Variants in TRERF1 observed in about 807,000 individuals in gnomAD.
TRERF1 encodes transcriptional-regulating factor 1.
Under a neutral mutation model 122.9 loss-of-function variants are expected in TRERF1, and 27 were observed. The ratio of observed to expected loss-of-function variants is 0.22; its 90% CI spans 0.16 to 0.30. TRERF1 has a LOEUF of 0.30. Ranked by LOEUF, TRERF1 falls within the 10% of genes least tolerant of loss-of-function variation. The pLI is 1.00. For missense variants in TRERF1, 1,248 were observed against 1,560.3 expected (o/e 0.80, Z 3.37); for synonymous variants, 636 against 641.7 (o/e 0.99, Z 0.13).
intron 4 of TRERF1, among the ~76,000 whole-genome samples, chr6:42,274,915 C>T (rs914153227): frequency 1.7e-4 from 26 of 152,218 alleles, no homozygotes; most frequent in African/African-American, 6.0e-4. Context: ...GAAAAGCATG[C>T]AAATTGTAAA....
intron 5 of TRERF1, among the ~76,000 whole-genome samples, chr6:42,266,188 CTTTTTTTT>C (rs34950753): frequency 1.6e-5 from 2 of 128,140 alleles, no homozygotes; most frequent in African/African-American, 6.0e-5. Context: ...TGATGGAATT[CTTTTTTTT>C]TTTTTTTTTT....
At chr6:42,327,352 T>C (rs1158875181) in intron 3 of TRERF1, among the ~76,000 whole-genome samples, 1 of 152,064 alleles carries the variant, frequency 6.6e-6, no homozygotes, top group Non-Finnish European at 1.5e-5. Context: ...ATGGGTAAAA[T>C]AAAGCACAGG....
At chr6:42,237,988 A>T (rs1269115551) in intron 15 of TRERF1, among the ~76,000 whole-genome samples, 1 of 152,226 alleles carries the variant, frequency 6.6e-6, no homozygotes, top group Admixed American at 6.5e-5. Flanking sequence ...CTCAGTGAAC[A>T]CTGATGTAGG....
At chr6:42,265,916 C>T in intron 5 of TRERF1, 119 bp from the exon 6 acceptor site, 2 of 1,051,596 alleles carry the variant, frequency 1.9e-6, no homozygotes, top group Non-Finnish European at 2.9e-6. Flanking sequence ...CTGCTGTCTG[C>T]TTCGTGCTGA....
chr6:42,288,712 C>T (rs1783734993), intron 4 of TRERF1, among the ~76,000 whole-genome samples: 1 of 151,726 alleles, frequency 6.6e-6, no homozygotes, highest in Non-Finnish European at 1.5e-5. Flanking sequence ...AAATAGGGTG[C>T]AGAAAACTGT....
chr6:42,435,778 A>G (rs1562207577), intron 2 of TRERF1, among the ~76,000 whole-genome samples: 1 of 151,606 alleles, frequency 6.6e-6, no homozygotes, highest in Non-Finnish European at 1.5e-5. Context: ...GATCGAGATC[A>G]TCCTGGCCAA....
chr6:42,283,161 A>G (rs924731542), intron 4 of TRERF1, among the ~76,000 whole-genome samples: 1 of 152,184 alleles, frequency 6.6e-6, no homozygotes, highest in Non-Finnish European at 1.5e-5. Context: ...TGCCATACTA[A>G]ATACACCAAA....
rs374092720 is a variant in TRERF1, at chr6:42,265,845, G to A, written c.1438-48C>T. On this transcript the variant is annotated intron_variant, in intron 5 of 17. Transcript: ENST00000372922. Reference sequence around the variant, plus strand: ...ACCGAAAAAAAGAAGAGAAAAAAACGTGTTCTGAAGGGAGAAGTCCTCGAG... The same window carrying A: ...ACCGAAAAAAAGAAGAGAAAAAAACATGTTCTGAAGGGAGAAGTCCTCGAG... 1,889 of 1,593,936 alleles carry A rather than the reference G, an allele frequency of 1.2e-3. 1 individual carries two copies. The highest frequency in any genetic ancestry group is 1.4e-3 in the Non-Finnish European group (1,596 of 1,166,184).
At chr6:42,436,800 C>CAAAAAA (rs775861205) in intron 2 of TRERF1, among the ~76,000 whole-genome samples, 173 of 77,490 alleles carry the variant, frequency 2.2e-3, no homozygotes, top group African/African-American at 0.01. Flanking sequence ...TCTCCCTCTA[C>CAAAAAA]AAAAAAAAAA....
At chr6:42,251,478 G>A (rs1388716648) in intron 13 of TRERF1, among the ~76,000 whole-genome samples, 3 of 152,098 alleles carry the variant, frequency 2.0e-5, no homozygotes, top group Non-Finnish European at 2.9e-5. Flanking sequence ...TGGATAAAAG[G>A]GGGGAAGCCT....
chr6:42,363,045 C>G (rs551953215), exon 3 of TRERF1: 1 of 153,506 alleles, frequency 6.5e-6, no homozygotes, highest in Admixed American at 6.5e-5. Flanking sequence ...CCTGCTTCTG[C>G]GTCTTCTTCC....
chr6:42,352,130 G>A (rs1180250358), intron 3 of TRERF1, among the ~76,000 whole-genome samples: 2 of 152,086 alleles, frequency 1.3e-5, no homozygotes, highest in Non-Finnish European at 2.9e-5. Flanking sequence ...TCAGCCTCCT[G>A]GGTAGCTGGG....
In TRERF1 at chr6:42,306,318, T is replaced by C. The variant is rs574073915; in HGVS notation, c.-370-5569A>G. Among the ~76,000 whole-genome samples, 38 of 152,322 alleles carry C rather than the reference T, an allele frequency of 2.5e-4. 2 individuals carry two copies. In the South Asian group the frequency reaches 6.8e-3, roughly 27 times the overall value. ...CGCCCGGCCAATCTCCCCCTTCTTT[T>C]GATGCCCTTCCTCTCTCTCCATGGA... On this transcript the variant is annotated intron_variant, in intron 3 of 17. Coordinates refer to ENST00000372922, the Ensembl canonical transcript of TRERF1.
chr6:42,452,097 A>C, upstream of TRERF1: 2 of 132,882 alleles, frequency 1.5e-5, no homozygotes, highest in South Asian at 2.4e-4. Context: ...TTTTTCACCC[A>C]TTACCCACCC....
At chr6:42,237,464 C>A (rs1358321510) in intron 15 of TRERF1, among the ~76,000 whole-genome samples, 2 of 152,212 alleles carry the variant, frequency 1.3e-5, no homozygotes, top group African/African-American at 4.8e-5. Context: ...TTACAGTTTA[C>A]AAAGTGCTTT....
chr6:42,388,172 C>A (rs1337578758), intron 2 of TRERF1, among the ~76,000 whole-genome samples: 1 of 151,818 alleles, frequency 6.6e-6, no homozygotes, highest in African/African-American at 2.4e-5. Context: ...GATAAGAGAA[C>A]CTGGGCTGAA....
rs1243467799 is a variant in TRERF1, at chr6:42,408,371, A to AT, written c.-454+42805dup. On this transcript the variant is annotated intron_variant, in intron 2 of 17. Coordinates refer to ENST00000372922, the Ensembl canonical transcript of TRERF1. ...TGTGTGTGTGTATATATATATATATATCTTTTTTTTTTTTTTTTTTTGAGA... is the reference window on the plus strand; with the variant it reads ...TGTGTGTGTGTATATATATATATATATTCTTTTTTTTTTTTTTTTTTTGAGA... Among the ~76,000 whole-genome samples the AT allele has an allele frequency of 1.7e-4, 5 of 29,196 alleles. 1 individual carries two copies. Among genetic ancestry groups the AT allele is most frequent in the African/African-American group, 8.0e-5 (1 of 12,480 alleles). 19.2% of individuals were successfully genotyped at this position (29,196 alleles called of 152,430 possible).
chr6:42,361,811 C>T (rs1771825099), intron 3 of TRERF1, among the ~76,000 whole-genome samples: 1 of 152,232 alleles, frequency 6.6e-6, no homozygotes, highest in Admixed American at 6.5e-5. Flanking sequence ...GAGGCTCTGC[C>T]CTCCGTGGAC....
intron 3 of TRERF1, among the ~76,000 whole-genome samples, chr6:42,316,616 A>C (rs1238488928): frequency 6.6e-6 from 1 of 152,174 alleles, no homozygotes; most frequent in Non-Finnish European, 1.5e-5. Context: ...CTGGGTGTAG[A>C]CCAAGCTAAC....
Sources: allele counts gnomAD v4.1 joint callset (sites outside exome capture counted in the v4.1 genomes callset), GRCh38; gene constraint gnomAD v4.1.1; transcripts MANE v1.5; gene names NCBI Gene and HGNC (gene_info 2026-07-23, HGNC 2026-07-21).